SGPP2: variants seen among roughly 807,000 people sequenced by gnomAD.
The protein encoded by SGPP2 is sphingosine 1-phosphate phosphohydrolase 2.
SGPP2 carries 30 observed loss-of-function variants against 33.9 expected under a neutral mutation model. The ratio of observed to expected loss-of-function variants is 0.89; its 90% CI spans 0.66 to 1.20. SGPP2 has a LOEUF of 1.20. Among genes scored for constraint, SGPP2 ranks in the 50% most tolerant of loss-of-function variants. The pLI is 0.00. For missense variants in SGPP2, 458 were observed against 532.1 expected, an observed-to-expected ratio of 0.86 and a Z score of 1.37; for synonymous variants, 233 against 225.0, an observed-to-expected ratio of 1.04 and a Z score of -0.32.
intron 2 of SGPP2, chr2:222,504,148 A>G (rs1029831265): frequency 6.6e-6 from 1 of 152,110 alleles, no homozygotes; most frequent in African/African-American, 2.4e-5. Context: ...CTCATTCTCA[A>G]CACACTTTCC....
chr2:222,425,283 C>G (rs991258496), intron 1 of SGPP2, among the ~76,000 whole-genome samples: 1 of 152,074 alleles, frequency 6.6e-6, no homozygotes, highest in African/African-American at 2.4e-5. Flanking sequence ...CGCTCCTCAC[C>G]GCGCTGCACC....
At chr2:222,519,809 C>A (rs1698656458) in intron 2 of SGPP2, among the ~76,000 whole-genome samples, 1 of 152,136 alleles carries the variant, frequency 6.6e-6, no homozygotes, top group African/African-American at 2.4e-5. Flanking sequence ...GTATTTTGTC[C>A]TCCAGCTCCA....
intron 1 of SGPP2, among the ~76,000 whole-genome samples, chr2:222,466,252 A>AAT (rs1408056693): frequency 6.1e-4 from 84 of 136,710 alleles, no homozygotes; most frequent in Middle Eastern, 4.1e-3. Flanking sequence ...GCTGTTTTCA[A>AAT]CTTTTTTTTT....
chr2:222,456,110 GT>G (rs2106080242), intron 1 of SGPP2, among the ~76,000 whole-genome samples: 1 of 152,148 alleles, frequency 6.6e-6, no homozygotes, highest in East Asian at 1.9e-4. Context: ...CAACTCAGAG[GT>G]TTTTAGTATA....
In SGPP2 at chr2:222,424,687, G is replaced by A. The variant is rs892523376; in HGVS notation, c.85G>A (p.Glu29Lys). 47 of 1,450,586 alleles carry A rather than the reference G, an allele frequency of 3.2e-5. No individual in the cohort carries two copies. The highest frequency in any genetic ancestry group is 3.4e-5 in the Non-Finnish European group (37 of 1,103,728). 89.9% of individuals were successfully genotyped at this position (1,450,586 alleles called of 1,614,324 possible). The change falls in exon 1 of 5, where the codon GAA becomes AAA. Residue 29 changes from glutamate to lysine, a missense_variant. Glu to Lys is a moderately conservative substitution (Grantham distance 56). Coordinates refer to ENST00000321276, the MANE Select transcript of SGPP2 (RefSeq NM_152386.4). Reference sequence around the variant, plus strand: ...CTGCGGGCTCTTCCCCGCTCCGGATGAAGGCCCCCGGGAGAACGGCGCGGA... The same window carrying A: ...CTGCGGGCTCTTCCCCGCTCCGGATAAAGGCCCCCGGGAGAACGGCGCGGA... ...RRCGLFPAPDEGPRENGADPT... is the reference protein window; with the variant it reads ...RRCGLFPAPDKGPRENGADPT...
intron 2 of SGPP2, among the ~76,000 whole-genome samples, chr2:222,490,258 G>A (rs561695636): frequency 1.3e-5 from 2 of 152,124 alleles, no homozygotes; most frequent in African/African-American, 2.4e-5. Context: ...CCTGGTTCAG[G>A]AAATATACTT....
intron 4 of SGPP2, among the ~76,000 whole-genome samples, chr2:222,526,795 TA>T (rs1378305876): frequency 6.6e-6 from 1 of 152,048 alleles, no homozygotes; most frequent in African/African-American, 2.4e-5. Flanking sequence ...TTCTCACTCA[TA>T]AATGGGAGTT....
intron 4 of SGPP2, among the ~76,000 whole-genome samples, chr2:222,534,184 C>T (rs1272701151): frequency 1.3e-5 from 2 of 152,204 alleles, no homozygotes; most frequent in African/African-American, 4.8e-5. Context: ...ACCAAGAAGG[C>T]TCATCATACT....
In SGPP2 at chr2:222,524,961, A is replaced by G. The variant is rs756920891; in HGVS notation, c.576A>G (p.Gly192=). Residue 192 remains glycine, a synonymous_variant, in exon 4 of 5, where the codon GGA becomes GGG. Coordinates refer to ENST00000321276, the MANE Select transcript of SGPP2 (RefSeq NM_152386.4). ...CCCCACAGTATCCATTTGTGTTGGG[A>G]CTGGTGATGGCCGTGGTGTTTTCCA... ...MDRYQYPFVL[G]LVMAVVFSTL... is the part of the protein sequence containing the mutation. 1.7e-5 allele frequency: 28 copies of G among 1,613,752 alleles called. No homozygotes were observed. The Admixed American group carries it at 4.7e-4, about 27-fold the overall frequency.
At chr2:222,549,126 A>G (rs1689250012) in intron 4 of SGPP2, among the ~76,000 whole-genome samples, 1 of 152,238 alleles carries the variant, frequency 6.6e-6, no homozygotes, top group South Asian at 2.1e-4. Context: ...GTCCCTTCAC[A>G]TTCTCAGCAG....
chr2:222,543,553 C>T lies in SGPP2; in HGVS notation c.649-14794C>T, dbSNP rs188983136. Among the ~76,000 whole-genome samples the T allele has an allele frequency of 3.4e-4, 52 of 152,308 alleles. 1 individual carries two copies. The highest frequency in any genetic ancestry group is 1.8e-3 in the Admixed American group (27 of 15,302). On this transcript the variant is annotated intron_variant, in intron 4 of 4. Coordinates refer to ENST00000321276, the MANE Select transcript of SGPP2 (RefSeq NM_152386.4). ...CAATAATAACATAGAACAATCATAA[C>T]GATATGCTGTCATAAAAGTTATGTG...
chr2:222,504,049 G>A (rs935241016), intron 2 of SGPP2: 7 of 152,218 alleles, frequency 4.6e-5, no homozygotes, highest in Admixed American at 2.0e-4. Flanking sequence ...CCTGAATGTA[G>A]CCCGGGATGC....
intron 4 of SGPP2, among the ~76,000 whole-genome samples, chr2:222,554,111 T>C (rs1037162483): frequency 6.6e-6 from 1 of 152,152 alleles, no homozygotes; most frequent in Non-Finnish European, 1.5e-5. Flanking sequence ...AGGTACTATA[T>C]TCACATGACA....
intron 1 of SGPP2, among the ~76,000 whole-genome samples, chr2:222,445,268 C>T (rs985432459): frequency 3.9e-5 from 6 of 152,242 alleles, no homozygotes; most frequent in African/African-American, 1.4e-4. Context: ...TTTGTTCACA[C>T]ATAGCTTTAC....
Position 222,513,381 on chromosome 2 carries a change from A to G in SGPP2, c.379-8386A>G, listed in dbSNP as rs536302528. On this transcript the variant is annotated intron_variant, in intron 2 of 4. Transcript: ENST00000321276. ...TAAGCAGACTTTTTGCTAATGTTTC[A>G]TTTTTTATGCTGTGCGGGAAAAATG... Among the ~76,000 whole-genome samples, 4 of 152,180 alleles carry G rather than the reference A, an allele frequency of 2.6e-5. No homozygotes were observed. The East Asian group carries it at 7.7e-4, about 29-fold the overall frequency.
At chr2:222,514,485 A>G (rs1350945954) in intron 2 of SGPP2, among the ~76,000 whole-genome samples, 1 of 152,176 alleles carries the variant, frequency 6.6e-6, no homozygotes, top group Admixed American at 6.5e-5. Context: ...GGCATGAGCC[A>G]CTCACTACAC....
rs527371997 is a variant in SGPP2 at position 222,433,634 on chromosome 2, A to G, written c.219+8813A>G. 2.0e-5 allele frequency among the ~76,000 whole-genome samples: 3 copies of G among 152,296 alleles called. No homozygotes were observed. The South Asian group carries it at 6.2e-4, about 32-fold the overall frequency. On this transcript the variant is annotated intron_variant, in intron 1 of 4. Coordinates refer to ENST00000321276, the MANE Select transcript of SGPP2 (RefSeq NM_152386.4). ...TGATCACCTGCCCTTTCCTGTCACA[A>G]CAGAGGTAACTTATCCCTGGACACT... is the stretch of plus-strand genomic sequence containing the variant.
intron 2 of SGPP2, among the ~76,000 whole-genome samples, chr2:222,475,184 C>T (rs1434551919): frequency 6.6e-6 from 1 of 152,152 alleles, no homozygotes; most frequent in Non-Finnish European, 1.5e-5. Flanking sequence ...ATTCTCCTGC[C>T]CCAGCCTCCC....
At position 222,476,941 on chromosome 2, in the gene SGPP2, G is replaced by T. The variant is rs62648944; in HGVS notation, c.378+2215G>T. 0.027 allele frequency among the ~76,000 whole-genome samples: 4,052 copies of T among 151,472 alleles called. 107 individuals carry two copies. Among genetic ancestry groups the T allele is most frequent in the Non-Finnish European group, 0.037 (2,530 of 67,830 alleles). On this transcript the variant is annotated intron_variant, in intron 2 of 4. Coordinates refer to ENST00000321276, the MANE Select transcript of SGPP2 (RefSeq NM_152386.4). The surrounding 1 kb of genome is among the most constrained non-coding windows in gnomAD (Gnocchi z 4.3). The stretch of plus-strand genomic sequence containing the variant: ...TATATGTGTATTGGAGTATATAGGT[G>T]TGTATGTATGTATGTATAGTGTGTA...
Sources: allele counts gnomAD v4.1 joint callset (sites outside exome capture counted in the v4.1 genomes callset), GRCh38; gene constraint gnomAD v4.1.1; non-coding constraint Gnocchi (gnomAD v3.1); transcripts MANE v1.5; gene names NCBI Gene and HGNC (gene_info 2026-07-23, HGNC 2026-07-21).